CCDC171: variants seen among roughly 807,000 people sequenced by gnomAD.
CCDC171 encodes the protein coiled-coil domain-containing protein 171.
CCDC171 carries 177 observed loss-of-function variants against 168.2 expected under a neutral mutation model. The observed-to-expected ratio is 1.05, with a 90% CI of 0.93 to 1.19. CCDC171 has a LOEUF of 1.19. CCDC171 is among the 50% of genes most tolerant of loss of function. The probability of loss-of-function intolerance (pLI) is 0.00; values close to 1 mark genes in which losing one functional copy is unlikely to be tolerated. For missense variants in CCDC171, 1,991 were observed against 1,539.0 expected, an observed-to-expected ratio of 1.29 and a Z score of -4.91; for synonymous variants, 687 against 540.8, an observed-to-expected ratio of 1.27 and a Z score of -3.75.
chr9:15,992,532 A>C (rs1175316695), intron 3 of CCDC171, among the ~76,000 whole-genome samples: 2 of 152,204 alleles, frequency 1.3e-5, no homozygotes, highest in African/African-American at 4.8e-5. Context: ...GAAAACGGGC[A>C]CAAGACAGGG....
intron 7 of CCDC171, among the ~76,000 whole-genome samples, chr9:15,650,785 T>C (rs898067532): frequency 2.0e-5 from 3 of 152,196 alleles, no homozygotes; most frequent in Non-Finnish European, 4.4e-5. Flanking sequence ...TTTTTTTATG[T>C]GCATAGAATG....
chr9:15,964,132 G>C (rs538435491), intron 25 of CCDC171, among the ~76,000 whole-genome samples: 49 of 152,286 alleles, frequency 3.2e-4, no homozygotes, highest in African/African-American at 1.1e-3. Context: ...TGCCCTATCA[G>C]AGGGAAATAA....
chr9:15,663,997 C>G (rs533325169), intron 8 of CCDC171, among the ~76,000 whole-genome samples: 2 of 152,012 alleles, frequency 1.3e-5, no homozygotes, highest in Non-Finnish European at 2.9e-5. Flanking sequence ...TTATCTTAAG[C>G]GAAACAACTC....
At chr9:15,579,343 A>G (rs1254721336) in intron 4 of CCDC171, among the ~76,000 whole-genome samples, 2 of 152,228 alleles carry the variant, frequency 1.3e-5, no homozygotes, top group African/African-American at 4.8e-5. Context: ...TCTTAAACAT[A>G]TACTCCAGGC....
chr9:16,099,534 C>T, the CCDC171 span, among the ~76,000 whole-genome samples: 1 of 152,340 alleles, frequency 6.6e-6, no homozygotes, highest in East Asian at 1.9e-4. Context: ...TTCTGATGTC[C>T]TTTTCATAAG....
chr9:15,876,989 C>T (rs956498121), intron 24 of CCDC171, among the ~76,000 whole-genome samples: 10 of 151,986 alleles, frequency 6.6e-5, no homozygotes, highest in African/African-American at 2.2e-4. Context: ...TCAATGGGGG[C>T]AAACTTTATT....
At chr9:16,006,559 C>A (rs1832701557) in intron 3 of CCDC171, among the ~76,000 whole-genome samples, 1 of 151,978 alleles carries the variant, frequency 6.6e-6, no homozygotes, top group African/African-American at 2.4e-5. Context: ...TTAGGTATCT[C>A]TCCTAATGCT....
At chr9:15,700,242 C>A (rs972414465) in intron 11 of CCDC171, among the ~76,000 whole-genome samples, 1 of 152,236 alleles carries the variant, frequency 6.6e-6, no homozygotes, top group East Asian at 1.9e-4. Context: ...TGGGCTGGCA[C>A]TGCTGGGGGA....
At chr9:15,634,492 G>A (rs973403027) in intron 7 of CCDC171, among the ~76,000 whole-genome samples, 1 of 152,124 alleles carries the variant, frequency 6.6e-6, no homozygotes, top group Non-Finnish European at 1.5e-5. Context: ...CTCTCCATGT[G>A]TATTTCTGTG....
chr9:15,912,082 G>T (rs1823743637), intron 24 of CCDC171, among the ~76,000 whole-genome samples: 2 of 152,294 alleles, frequency 1.3e-5, no homozygotes, highest in South Asian at 2.1e-4. Context: ...CTAACTCTGT[G>T]AAGGAAGCCA....
chr9:15,962,285 T>G (rs1236875058), intron 25 of CCDC171, among the ~76,000 whole-genome samples: 2 of 152,232 alleles, frequency 1.3e-5, no homozygotes, highest in East Asian at 3.8e-4. Context: ...AGTTTATAAC[T>G]GTAAATTTTA....
intron 18 of CCDC171, among the ~76,000 whole-genome samples, chr9:15,763,318 T>C (rs1468590254): frequency 6.6e-6 from 1 of 152,210 alleles, no homozygotes; most frequent in African/African-American, 2.4e-5. Context: ...AGCTTCATTA[T>C]ATAAGCATGA....
In CCDC171 at chr9:15,560,652, C is replaced by A. The variant is rs1299986468; in HGVS notation, c.-111-3326C>A. On this transcript the variant is annotated intron_variant, in intron 1 of 25. Coordinates refer to ENST00000380701, the MANE Select transcript of CCDC171 (RefSeq NM_173550.4). ...TCTAATCTTTTTTCAAGGTTTTTAG[C>A]TTCTTTGCGATGGGTTTGAACATCC... Among the ~76,000 whole-genome samples the A allele has an allele frequency of 1.3e-5, 2 of 152,086 alleles. 1 individual carries two copies. Among genetic ancestry groups the A allele is most frequent in the Non-Finnish European group, 2.9e-5 (2 of 67,992 alleles).
At chr9:15,573,524 T>C (rs934398833) in intron 3 of CCDC171, among the ~76,000 whole-genome samples, 9 of 152,086 alleles carry the variant, frequency 5.9e-5, no homozygotes, top group Admixed American at 2.6e-4. Flanking sequence ...TCAGGTGATC[T>C]GCCCACCTTG....
intron 7 of CCDC171, among the ~76,000 whole-genome samples, chr9:15,641,620 G>A (rs765641742): frequency 1.2e-4 from 19 of 152,096 alleles, no homozygotes; most frequent in Non-Finnish European, 2.4e-4. Flanking sequence ...ATGTATCAAA[G>A]GGTTGGATAG....
chr9:15,744,123 T>C, intron 16 of CCDC171, 150 bp from the exon 17 acceptor site: 1 of 643,326 alleles, frequency 1.6e-6, no homozygotes, highest in Non-Finnish European at 2.6e-6. Context: ...GCCATGTCTA[T>C]CTTATTTATA....
chr9:15,661,401 A>G (rs1339021492), intron 8 of CCDC171, among the ~76,000 whole-genome samples: 1 of 152,150 alleles, frequency 6.6e-6, no homozygotes, highest in Non-Finnish European at 1.5e-5. Context: ...GTTGTGATAC[A>G]TCCCTGGGAA....
At chr9:15,989,475 G>GA (rs570510926) in intron 3 of CCDC171, among the ~76,000 whole-genome samples, 2 of 152,104 alleles carry the variant, frequency 1.3e-5, no homozygotes, top group Non-Finnish European at 2.9e-5. Context: ...CAAAGATGGG[G>GA]AAAAAACAGA....
chr9:16,006,952 T>C (rs1832716887), intron 3 of CCDC171, among the ~76,000 whole-genome samples: 1 of 152,226 alleles, frequency 6.6e-6, no homozygotes, highest in Non-Finnish European at 1.5e-5. Flanking sequence ...TACCCAGTAA[T>C]GGGATGGCTG....
Sources: allele counts gnomAD v4.1 joint callset (sites outside exome capture counted in the v4.1 genomes callset), GRCh38; gene constraint gnomAD v4.1.1; transcripts MANE v1.5; gene names NCBI Gene and HGNC (gene_info 2026-07-23, HGNC 2026-07-21).